The following SLC41A3 variants were observed in gnomAD, a reference collection of about 807,000 sequenced individuals.
SLC41A3 encodes SLC41A1-like 2.
A neutral mutation model predicts 45.4 loss-of-function variants in SLC41A3; 44 were observed. The ratio of observed to expected loss-of-function variants is 0.97; its 90% CI spans 0.76 to 1.25. The LOEUF is 1.25. SLC41A3 is among the 50% of genes most tolerant of loss of function. The probability of loss-of-function intolerance (pLI) is 0.00; values close to 1 mark genes in which losing one functional copy is unlikely to be tolerated. For missense variants in SLC41A3, 550 were observed against 600.6 expected (o/e 0.92, Z 0.88); for synonymous variants, 256 against 252.4 (o/e 1.01, Z -0.13).
At chr3:126,014,238 G>T (rs883207) in intron 8 of SLC41A3, among the ~76,000 whole-genome samples, 51,075 of 151,702 alleles carry the variant, frequency 0.34, 9,475 homozygotes, top group African/African-American at 0.5. Context: ...CGATCTATTC[G>T]GCTTGGCCCA....
chr3:126,082,922 C>T (rs1282283756), intron 1 of SLC41A3, among the ~76,000 whole-genome samples: 3 of 152,220 alleles, frequency 2.0e-5, no homozygotes, highest in Admixed American at 1.3e-4. Context: ...CAGGGGACCT[C>T]GCCTCAGTGG....
At chr3:126,049,725 G>A (rs6799761) in intron 3 of SLC41A3, among the ~76,000 whole-genome samples, 1 of 152,024 alleles carries the variant, frequency 6.6e-6, no homozygotes, top group Admixed American at 6.5e-5. Flanking sequence ...GTTTCCTCTC[G>A]CTGCTGTAAC....
chr3:126,021,279 A>C (rs1282126077), intron 6 of SLC41A3, among the ~76,000 whole-genome samples: 3 of 152,008 alleles, frequency 2.0e-5, no homozygotes, highest in Non-Finnish European at 4.4e-5. Flanking sequence ...TTTATCTATC[A>C]CATGTGCAGT....
chr3:126,043,500 T>C (rs1156409272), intron 3 of SLC41A3, among the ~76,000 whole-genome samples: 1 of 152,066 alleles, frequency 6.6e-6, no homozygotes, highest in East Asian at 1.9e-4. Flanking sequence ...GTATTAAAAA[T>C]TGTATTATTT....
chr3:126,025,936 C>A, intron 5 of SLC41A3: 1 of 174,422 alleles, frequency 5.7e-6, no homozygotes, highest in Non-Finnish European at 1.2e-5. Flanking sequence ...CCTCCAGAGC[C>A]CATCACAGGC....
chr3:126,053,414 C>T (rs1223166700), intron 2 of SLC41A3, among the ~76,000 whole-genome samples: 2 of 152,204 alleles, frequency 1.3e-5, no homozygotes, highest in Admixed American at 6.5e-5. Context: ...GTTTAAGCTA[C>T]CTCCTCTGTG....
intron 4 of SLC41A3, among the ~76,000 whole-genome samples, chr3:126,032,138 G>C (rs1208943920): frequency 6.6e-6 from 1 of 152,232 alleles, no homozygotes; most frequent in Non-Finnish European, 1.5e-5. Flanking sequence ...AGGTGTGAAG[G>C]GGTGGGGGCT....
At chr3:126,095,881 A>G (rs1945590571) in intron 1 of SLC41A3, among the ~76,000 whole-genome samples, 1 of 152,246 alleles carries the variant, frequency 6.6e-6, no homozygotes, top group Non-Finnish European at 1.5e-5. Context: ...CAGATGGTAG[A>G]AATGATAAAA....
chr3:126,095,775 A>G (rs62263500), intron 1 of SLC41A3, among the ~76,000 whole-genome samples: 1 of 152,220 alleles, frequency 6.6e-6, no homozygotes, highest in African/African-American at 2.4e-5. Context: ...TGGAATCATT[A>G]TTAATTGGTC....
chr3:126,065,554 A>T (rs1371993689), intron 2 of SLC41A3, among the ~76,000 whole-genome samples: 2 of 152,212 alleles, frequency 1.3e-5, no homozygotes, highest in African/African-American at 4.8e-5. Flanking sequence ...CTTGTAGCAG[A>T]GAGTTTTTCT....
At position 126,068,142 on chromosome 3, in the gene SLC41A3, G is replaced by C. The variant is rs1944446062; in HGVS notation, c.78C>G (p.Leu26=). 6.2e-7 allele frequency: 1 copy of C among 1,605,472 alleles called. No individual in the cohort carries two copies. The highest frequency in any genetic ancestry group is 8.5e-7 in the Non-Finnish European group (1 of 1,176,280). ...AGGCTACAGGGAGTCCTCCTGTGCT[G>C]AGGGGGTGAGGAAGCCCCAGCTCCC... is the stretch of plus-strand genomic sequence containing the variant. ...KPGELGLPHP[L]STGGLPVASE... The change falls in exon 2 of 11, where the codon CTC becomes CTG. Residue 26 remains leucine, a synonymous_variant. Coordinates refer to ENST00000360370, the MANE Select transcript of SLC41A3 (RefSeq NM_017836.4).
At chr3:126,093,338 TA>T (rs1173746290) in intron 1 of SLC41A3, among the ~76,000 whole-genome samples, 2 of 152,210 alleles carry the variant, frequency 1.3e-5, no homozygotes, top group Non-Finnish European at 2.9e-5. Flanking sequence ...CTAGGTTTGA[TA>T]AAGATGGGAA....
chr3:126,011,195 AG>A, intron 9 of SLC41A3, among the ~76,000 whole-genome samples: 1 of 152,342 alleles, frequency 6.6e-6, no homozygotes, highest in Non-Finnish European at 1.5e-5. Context: ...ACAAAAAAAT[AG>A]AAAGTATAAG....
chr3:126,016,891 G>A lies in SLC41A3; in HGVS notation c.746-16C>T, dbSNP rs1400230896. ...TACCGACTATCTGAAAGGAGAACAG[G>A]GACACACGCAGCTCATGTGGCCAAG... On this transcript the variant is annotated splice_polypyrimidine_tract_variant and intron_variant, in intron 6 of 10. Transcript: ENST00000360370. 1 of 1,607,970 alleles carries A rather than the reference G, an allele frequency of 6.2e-7. No individual in the cohort carries two copies. Among genetic ancestry groups the A allele is most frequent in the South Asian group, 1.1e-5 (1 of 90,606 alleles).
At chr3:126,079,363 A>G (rs1576370996) in intron 1 of SLC41A3, among the ~76,000 whole-genome samples, 1 of 152,176 alleles carries the variant, frequency 6.6e-6, no homozygotes, top group South Asian at 2.1e-4. Flanking sequence ...CAAAGTTTAA[A>G]TATTCTGTAG....
intron 2 of SLC41A3, among the ~76,000 whole-genome samples, chr3:126,064,008 TC>T (rs1423005194): frequency 1.4e-5 from 2 of 143,882 alleles, no homozygotes; most frequent in African/African-American, 2.5e-5. Context: ...CTGTTGCCCT[TC>T]CTGGACAAGA....
intron 4 of SLC41A3, among the ~76,000 whole-genome samples, chr3:126,027,761 T>C (rs1322012860): frequency 1.3e-5 from 2 of 152,224 alleles, no homozygotes; most frequent in African/African-American, 4.8e-5. Context: ...ATTTGGACAG[T>C]GAAGGCCAGG....
intron 4 of SLC41A3, among the ~76,000 whole-genome samples, chr3:126,031,491 C>G (rs1941792978): frequency 6.6e-6 from 1 of 152,198 alleles, no homozygotes; most frequent in Admixed American, 6.5e-5. Flanking sequence ...GGGACCGGCT[C>G]TTAGTGGCTG....
chr3:126,081,146 G>A (rs191839843), intron 1 of SLC41A3, among the ~76,000 whole-genome samples: 13 of 152,166 alleles, frequency 8.5e-5, no homozygotes, highest in South Asian at 8.3e-4. Context: ...AAGAAGATGC[G>A]GTACATATAC....
Sources: gnomAD v4.1 joint callset for allele counts (sites outside exome capture counted in the v4.1 genomes callset) on GRCh38, gnomAD v4.1.1 for gene constraint, MANE v1.5 for transcripts, NCBI Gene and HGNC (gene_info 2026-07-23, HGNC 2026-07-21) for gene names.